The following LGR5 variants were observed in gnomAD, a reference collection of about 807,000 sequenced individuals.
LGR5 encodes the protein leucine-rich repeat-containing G protein-coupled receptor 5.
Under a neutral mutation model 76.7 loss-of-function variants are expected in LGR5, and 54 were observed. The observed-to-expected ratio is 0.70, with a 90% CI of 0.57 to 0.88. The LOEUF (loss-of-function observed/expected upper bound fraction) is 0.88, where lower values mean the gene tolerates loss of function less well. LGR5 is among the 40% of genes least tolerant of loss of function. The pLI, the probability that LGR5 is intolerant of heterozygous loss-of-function variation, is 0.00. For synonymous variants in LGR5, 406 were observed against 421.9 expected, an observed-to-expected ratio of 0.96 and a Z score of 0.46; for missense variants, 1,078 against 1,073.3, an observed-to-expected ratio of 1.00 and a Z score of -0.06.
intron 1 of LGR5, among the ~76,000 whole-genome samples, chr12:71,477,550 T>C (rs1428019698): frequency 2.0e-5 from 3 of 151,218 alleles, no homozygotes; most frequent in African/African-American, 7.3e-5. Context: ...TAACCTAGAA[T>C]AAAATTTTTA....
chr12:71,496,391 A>AAAAAAAAAAAAAAAAAAAG (rs1555169618), intron 1 of LGR5, among the ~76,000 whole-genome samples: 1 of 115,054 alleles, frequency 8.7e-6, no homozygotes. Context: ...AAAAAAAAAA[A>AAAAAAAAAAAAAAAAAAAG]AGAGAGAGAG....
At chr12:71,492,745 A>G (rs1874129092) in intron 1 of LGR5, among the ~76,000 whole-genome samples, 1 of 150,050 alleles carries the variant, frequency 6.7e-6, no homozygotes, top group Admixed American at 6.6e-5. Context: ...GATGGCAGAC[A>G]TCTTAAGGTA....
At chr12:71,582,658 A>T in intron 17 of LGR5, 119 bp downstream of exon 17, 1 of 707,292 alleles carries the variant, frequency 1.4e-6, no homozygotes, top group Non-Finnish European at 2.5e-6. Context: ...GCTCATCAGT[A>T]ACCCTCCCCA....
chr12:71,571,747 CAT>C (rs1292164485), intron 12 of LGR5, among the ~76,000 whole-genome samples, 168 bp downstream of exon 12: 2 of 152,214 alleles, frequency 1.3e-5, no homozygotes, highest in Non-Finnish European at 2.9e-5. Flanking sequence ...AGTTGAGAAA[CAT>C]AGATAATATT....
At chr12:71,551,763 A>G (rs1198592572) in intron 4 of LGR5, among the ~76,000 whole-genome samples, 2 of 152,184 alleles carry the variant, frequency 1.3e-5, no homozygotes, top group Non-Finnish European at 2.9e-5. Flanking sequence ...CAGCTCATTA[A>G]CCAGACTTAT....
At chr12:71,545,903 G>A (rs1337682955) in intron 4 of LGR5, among the ~76,000 whole-genome samples, 1 of 152,092 alleles carries the variant, frequency 6.6e-6, no homozygotes, top group Non-Finnish European at 1.5e-5. Context: ...GGAGCAGATT[G>A]GCAAAATGTT....
intron 2 of LGR5, among the ~76,000 whole-genome samples, chr12:71,519,082 T>C (rs1875594365): frequency 6.6e-6 from 1 of 152,110 alleles, no homozygotes; most frequent in Admixed American, 6.6e-5. Context: ...CCAAAGACCT[T>C]TATGGGATGG....
chr12:71,485,927 A>G (rs1272328835), intron 1 of LGR5, among the ~76,000 whole-genome samples: 1 of 151,798 alleles, frequency 6.6e-6, no homozygotes, highest in Non-Finnish European at 1.5e-5. Context: ...CACCACACTC[A>G]GCTAATTTTT....
At chr12:71,570,825 C>T (rs1465025066) in intron 11 of LGR5, among the ~76,000 whole-genome samples, 1 of 152,108 alleles carries the variant, frequency 6.6e-6, no homozygotes, top group African/African-American at 2.4e-5. Flanking sequence ...TAGAATCAGG[C>T]ATGAAAATGT....
At chr12:71,553,416 C>A in intron 5 of LGR5, 128 bp downstream of exon 5, 1 of 713,238 alleles carries the variant, frequency 1.4e-6, no homozygotes, top group Non-Finnish European at 2.4e-6. Context: ...CTGAGCCCCT[C>A]CCCAAAATGA....
intron 1 of LGR5, among the ~76,000 whole-genome samples, chr12:71,503,218 C>CA (rs200415222): frequency 1.3e-5 from 2 of 151,388 alleles, no homozygotes; most frequent in African/African-American, 2.4e-5. Flanking sequence ...GAATGTTTGC[C>CA]AAAAAAAATG....
intron 4 of LGR5, among the ~76,000 whole-genome samples, chr12:71,549,930 T>A (rs1199635399): frequency 6.6e-6 from 1 of 152,204 alleles, no homozygotes; most frequent in African/African-American, 2.4e-5. Flanking sequence ...CCAGATTATA[T>A]CCTTTTTTCT....
At chr12:71,583,624 C>T (rs763022530) in intron 17 of LGR5, 23 bp from the exon 18 acceptor site, 8 of 1,580,404 alleles carry the variant, frequency 5.1e-6, no homozygotes, top group Non-Finnish European at 6.9e-6. Context: ...GATACTCAAT[C>T]TTTGCCTTCC....
At chr12:71,561,064 C>T (rs1592546520) in intron 7 of LGR5, among the ~76,000 whole-genome samples, 1 of 152,138 alleles carries the variant, frequency 6.6e-6, no homozygotes, top group African/African-American at 2.4e-5. Context: ...CCTCATTCCC[C>T]TAGCAGTGAG....
In LGR5 at chr12:71,571,580, G is replaced by T. The variant is rs201293635; in HGVS notation, c.1136+1G>T. 1 of 1,607,170 alleles carries T rather than the reference G, an allele frequency of 6.2e-7. No homozygotes were observed. The highest frequency in any genetic ancestry group is 2.2e-5 in the East Asian group (1 of 44,800). On this transcript the variant is annotated splice_donor_variant, in intron 12 of 17. Coordinates refer to ENST00000266674, the MANE Select transcript of LGR5 (RefSeq NM_003667.4). LOFTEE classifies it high-confidence loss of function. The stretch of plus-strand genomic sequence containing the variant: ...CAGTCTGCCAAAAGCTTCAGAAAAT[G>T]TAAGTCTAGAAGTCTCTAAGTCACC...
chr12:71,513,213 T>G (rs1250984154), intron 2 of LGR5, among the ~76,000 whole-genome samples: 3 of 152,120 alleles, frequency 2.0e-5, no homozygotes, highest in Non-Finnish European at 4.4e-5. Context: ...ACATCTATGG[T>G]TGAGCAATGA....
chr12:71,475,473 G>T (rs1322515460), intron 1 of LGR5, among the ~76,000 whole-genome samples: 2 of 151,664 alleles, frequency 1.3e-5, no homozygotes, highest in African/African-American at 4.9e-5. Flanking sequence ...GCTTGATCTG[G>T]CCTTGGCTGT....
At chr12:71,454,971 G>A (rs889537720) in intron 1 of LGR5, among the ~76,000 whole-genome samples, 2 of 151,972 alleles carry the variant, frequency 1.3e-5, no homozygotes, top group Non-Finnish European at 1.5e-5. Context: ...GGGAAAAAAA[G>A]CAAACAAAAA....
intron 3 of LGR5, among the ~76,000 whole-genome samples, chr12:71,532,673 A>G (rs1490943759): frequency 6.6e-6 from 1 of 152,178 alleles, no homozygotes; most frequent in Admixed American, 6.5e-5. Context: ...ACCAGATGAT[A>G]TTATTCCCAT....
Sources: gnomAD v4.1 joint callset for allele counts (sites outside exome capture counted in the v4.1 genomes callset) on GRCh38, gnomAD v4.1.1 for gene constraint, MANE v1.5 for transcripts, NCBI Gene and HGNC (gene_info 2026-07-23, HGNC 2026-07-21) for gene names.